Variants in PDXDC1 observed in about 807,000 individuals in gnomAD.
The protein encoded by PDXDC1 is pyridoxal-dependent decarboxylase domain-containing protein 1.
In PDXDC1, 42 loss-of-function variants were observed where a neutral mutation model predicts 100.1. The observed-to-expected ratio is 0.42, with a 90% CI of 0.33 to 0.54. The LOEUF is 0.54. Ranked by LOEUF, PDXDC1 falls within the 20% of genes least tolerant of loss-of-function variation. The pLI is 0.10. For synonymous variants in PDXDC1, 260 were observed against 371.7 expected (o/e 0.70, Z 3.46); for missense variants, 636 against 979.2 (o/e 0.65, Z 4.68).
At chr16:15,016,419 A>G in intron 9 of PDXDC1, 2 of 1,297,024 alleles carry the variant, frequency 1.5e-6, no homozygotes, top group Non-Finnish European at 1.0e-6. Flanking sequence ...TGCCTCAGGC[A>G]CGACATCAAC....
chr16:15,046,652 G>C (rs1209148231), intron 16 of PDXDC1, among the ~76,000 whole-genome samples: 1 of 127,086 alleles, frequency 7.9e-6, no homozygotes, highest in Non-Finnish European at 1.6e-5. Context: ...TTGAGCCCAA[G>C]AGTTTAAGAC....
intron 4 of PDXDC1, among the ~76,000 whole-genome samples, chr16:15,002,463 A>G (rs1458827098): frequency 6.6e-6 from 1 of 152,274 alleles, no homozygotes; most frequent in African/African-American, 2.4e-5. Flanking sequence ...GCATTTTTTC[A>G]CTTATGTCTT....
chr16:15,026,445 A>C (rs2042608691), intron 13 of PDXDC1, 198 bp from the exon 14 acceptor site: 1 of 593,864 alleles, frequency 1.7e-6, no homozygotes, highest in African/African-American at 1.9e-5. Flanking sequence ...GTGTACTCTC[A>C]AGGCTGGCTC....
the PDXDC1 span, among the ~76,000 whole-genome samples, chr16:15,145,245 G>A: frequency 2.6e-5 from 4 of 152,340 alleles, no homozygotes; most frequent in East Asian, 7.7e-4. Flanking sequence ...CCCTGGAGAG[G>A]GCAGCAGCAC....
At chr16:15,019,973 G>C (rs538277679) in intron 12 of PDXDC1, among the ~76,000 whole-genome samples, 9 of 152,322 alleles carry the variant, frequency 5.9e-5, no homozygotes, top group African/African-American at 2.2e-4. Context: ...TTAGCTGGGC[G>C]TGGTGGCGGG....
At chr16:15,144,562 C>T in the PDXDC1 span, among the ~76,000 whole-genome samples, 2 of 152,160 alleles carry the variant, frequency 1.3e-5, no homozygotes, top group Non-Finnish European at 2.9e-5. Flanking sequence ...GCACGAGGTT[C>T]TCTGGGTCCC....
At chr16:15,140,848 G>C (rs1174497955), downstream of PDXDC1, among the ~76,000 whole-genome samples, 3 of 152,092 alleles carry the variant, frequency 2.0e-5, no homozygotes, top group African/African-American at 7.2e-5. Context: ...GGCTCCGCAG[G>C]TCTGCACACC....
intron 16 of PDXDC1, among the ~76,000 whole-genome samples, chr16:15,049,790 A>G (rs966628885): frequency 3.3e-5 from 5 of 152,256 alleles, no homozygotes; most frequent in African/African-American, 1.2e-4. Flanking sequence ...AATTGGGCAC[A>G]GAACCAAGTC....
intron 3 of PDXDC1, 81 bp downstream of exon 3, chr16:14,998,486 C>G (rs1476138393): frequency 1.3e-6 from 2 of 1,494,164 alleles, no homozygotes; most frequent in Non-Finnish European, 1.8e-6. Context: ...GCTCTGTTGC[C>G]CAGGATGGTG....
chr16:15,027,630 GCTCAGCGGCC>G (rs1426048857), intron 14 of PDXDC1, among the ~76,000 whole-genome samples: 2 of 152,296 alleles, frequency 1.3e-5, no homozygotes, highest in African/African-American at 4.8e-5. Flanking sequence ...GAGTTGGGCC[GCTCAGCGGCC>G]CTGGCCAAAC....
At chr16:15,041,906 G>A (rs181306213), downstream of PDXDC1, among the ~76,000 whole-genome samples, 363 of 152,306 alleles carry the variant, frequency 2.4e-3, 1 homozygote, top group African/African-American at 8.4e-3. Flanking sequence ...AGGCCCGAAG[G>A]AGCCTGGGCT....
At chr16:15,019,287 TC>T (rs2042007354) in intron 12 of PDXDC1, among the ~76,000 whole-genome samples, 1 of 152,270 alleles carries the variant, frequency 6.6e-6, no homozygotes, top group African/African-American at 2.4e-5. Context: ...GAGCGAGTGT[TC>T]CCCTTGATTG....
At chr16:15,129,067 A>C (rs2047914759) in intron 16 of PDXDC1, among the ~76,000 whole-genome samples, 1 of 151,646 alleles carries the variant, frequency 6.6e-6, no homozygotes, top group Admixed American at 6.6e-5. Context: ...GGCCTCCCAA[A>C]GTGCTCGGAT....
At chr16:15,122,771 A>C (rs2047486992) in intron 16 of PDXDC1, among the ~76,000 whole-genome samples, 1 of 121,674 alleles carries the variant, frequency 8.2e-6, no homozygotes, top group South Asian at 3.4e-4. Context: ...GAGGTGGCTT[A>C]GGGCAGGGGG....
chr16:15,024,633 G>A (rs1361297525), intron 13 of PDXDC1, among the ~76,000 whole-genome samples: 12 of 152,252 alleles, frequency 7.9e-5, no homozygotes, highest in African/African-American at 2.9e-4. Flanking sequence ...GGCTGGTCTT[G>A]AACTCTTGAC....
intron 16 of PDXDC1, chr16:15,073,115 A>G (rs888013718): frequency 4.4e-6 from 7 of 1,597,772 alleles, no homozygotes; most frequent in East Asian, 2.2e-5. Flanking sequence ...GTTTTTATAA[A>G]GACATATTTT....
intron 16 of PDXDC1, among the ~76,000 whole-genome samples, chr16:15,122,552 C>T (rs1315655502): frequency 8.8e-5 from 13 of 147,158 alleles, no homozygotes; most frequent in East Asian, 2.0e-4. Flanking sequence ...AGAAACCCCG[C>T]GGGTCCAGCG....
chr16:14,975,132 G>C lies in PDXDC1; in HGVS notation c.-68G>C, dbSNP rs1403555436. ...GGACGTCAGCGCTGCCAGCGTGGAAGGAGCTGCGGGGCGCGGGAGGAGGAA... is the reference window on the plus strand; with the variant it reads ...GGACGTCAGCGCTGCCAGCGTGGAACGAGCTGCGGGGCGCGGGAGGAGGAA... On this transcript the variant is annotated 5_prime_UTR_variant, in exon 1 of 23. Coordinates refer to ENST00000396410, the MANE Select transcript of PDXDC1 (RefSeq NM_015027.4). The C allele has an allele frequency of 6.8e-7, 1 of 1,467,870 alleles. No individual in the cohort carries two copies. Among genetic ancestry groups the C allele is most frequent in the African/African-American group, 1.5e-5 (1 of 68,870 alleles). 90.9% of individuals were successfully genotyped at this position (1,467,870 alleles called of 1,614,324 possible).
In PDXDC1 at chr16:15,013,807, G is replaced by C. The variant is rs1340490600; in HGVS notation, c.728-2322G>C. Among the ~76,000 whole-genome samples, 3 of 151,968 alleles carry C rather than the reference G, an allele frequency of 2.0e-5. No individual in the cohort carries two copies. In the East Asian group the frequency reaches 5.8e-4, roughly 30 times the overall value. ...GGAAAATCGCTTGAACCTGGGAGGT[G>C]GAGGTTGCAGTGAGCCAAGATCGCA... On this transcript the variant is annotated intron_variant, in intron 8 of 22. Transcript: ENST00000396410.
Sources: allele counts gnomAD v4.1 joint callset (sites outside exome capture counted in the v4.1 genomes callset), GRCh38; gene constraint gnomAD v4.1.1; transcripts MANE v1.5; gene names NCBI Gene and HGNC (gene_info 2026-07-23, HGNC 2026-07-21).